Variants in STK24 observed in about 807,000 individuals in gnomAD.
The protein encoded by STK24 is serine/threonine-protein kinase 24.
STK24 carries 21 observed loss-of-function variants against 55.6 expected under a neutral mutation model. That is an observed-to-expected ratio of 0.38 (90% CI 0.27 to 0.54). The LOEUF is 0.54. Among genes scored for constraint, STK24 ranks in the 20% least tolerant of loss-of-function variants. The pLI, the probability that STK24 is intolerant of heterozygous loss-of-function variation, is 0.79. For synonymous variants in STK24, 200 were observed against 215.2 expected, an observed-to-expected ratio of 0.93 and a Z score of 0.62; for missense variants, 383 against 538.4, an observed-to-expected ratio of 0.71 and a Z score of 2.86.
chr13:98,519,442 G>A lies in STK24; in HGVS notation c.74C>T (p.Thr25Ile), dbSNP rs749765531. Residue 25 changes from threonine (T) to isoleucine (I), a missense_variant, in exon 2 of 11, where the codon ACA becomes ATA. Thr to Ile is a moderately conservative substitution (Grantham distance 89). Coordinates refer to ENST00000539966, the MANE Select transcript of STK24 (RefSeq NM_001032296.4). The stretch of plus-strand genomic sequence containing the variant: ...GCCCTTCCCAATTTTCTCTAGTTTT[G>A]TAAAAAGCTCTTCTGGGTCTGCCTT... ...NLKADPEELFTKLEKIGKGSF... is the reference protein window; with the variant it reads ...NLKADPEELFIKLEKIGKGSF... The A allele has an allele frequency of 3.1e-6, 5 of 1,614,028 alleles. No individual in the cohort carries two copies. The Middle Eastern group carries it at 4.9e-4, about 159-fold the overall frequency.
intron 2 of STK24, among the ~76,000 whole-genome samples, chr13:98,488,794 C>T (rs1045594997): frequency 1.3e-5 from 2 of 152,118 alleles, no homozygotes; most frequent in African/African-American, 2.4e-5. Context: ...GTCACACGAA[C>T]CCACCAAGGT....
chr13:98,465,837 C>G (rs1893907765), intron 6 of STK24, among the ~76,000 whole-genome samples: 1 of 152,172 alleles, frequency 6.6e-6, no homozygotes, highest in African/African-American at 2.4e-5. Flanking sequence ...GAAAATGAGG[C>G]AAAGCCACAC....
intron 1 of STK24, among the ~76,000 whole-genome samples, chr13:98,568,760 C>T (rs1050231679): frequency 3.9e-5 from 6 of 151,962 alleles, no homozygotes; most frequent in Non-Finnish European, 7.4e-5. Flanking sequence ...CCCAGCTACT[C>T]GGGAGGCTGA....
At chr13:98,459,949 A>G (rs530857080) in intron 9 of STK24, among the ~76,000 whole-genome samples, 1 of 152,230 alleles carries the variant, frequency 6.6e-6, no homozygotes, top group Non-Finnish European at 1.5e-5. Flanking sequence ...ACTGCTGAGC[A>G]GAGGAGGGAC....
At chr13:98,456,428 G>T (rs1011411352) in intron 10 of STK24, 3 of 478,124 alleles carry the variant, frequency 6.3e-6, no homozygotes, top group South Asian at 3.1e-5. Context: ...CCTCCTGGGG[G>T]TGTGGAGGAC....
chr13:98,564,230 G>C (rs2390104), intron 1 of STK24, among the ~76,000 whole-genome samples: 25,502 of 152,206 alleles, frequency 0.17, 2,195 homozygotes, highest in African/African-American at 0.18. Flanking sequence ...ACCGAGAAAA[G>C]AAAATCAATT....
chr13:98,484,042 C>G (rs943317423), intron 2 of STK24, among the ~76,000 whole-genome samples: 3 of 152,230 alleles, frequency 2.0e-5, no homozygotes, highest in African/African-American at 7.2e-5. Flanking sequence ...TGACACCCAA[C>G]TCAGAGGGAC....
At chr13:98,535,893 C>A (rs569103099) in intron 1 of STK24, among the ~76,000 whole-genome samples, 11 of 152,314 alleles carry the variant, frequency 7.2e-5, no homozygotes, top group African/African-American at 2.6e-4. Context: ...ACTTCCCATT[C>A]CCTACAGGTG....
At chr13:98,537,186 G>A (rs1035310469) in intron 1 of STK24, among the ~76,000 whole-genome samples, 1 of 152,238 alleles carries the variant, frequency 6.6e-6, no homozygotes, top group African/African-American at 2.4e-5. Context: ...TACCTGTGCA[G>A]TGCCACCTCT....
intron 6 of STK24, among the ~76,000 whole-genome samples, chr13:98,464,296 G>A (rs1468868733): frequency 1.3e-5 from 2 of 151,580 alleles, no homozygotes; most frequent in Non-Finnish European, 2.9e-5. Flanking sequence ...GTGGGCGCCT[G>A]TAGTCCCAGC....
chr13:98,515,807 CTTCT>C (rs1348743525), intron 2 of STK24, among the ~76,000 whole-genome samples: 7 of 152,208 alleles, frequency 4.6e-5, no homozygotes, highest in African/African-American at 1.7e-4. Flanking sequence ...CTGGTAATCT[CTTCT>C]TTGTCCTGGC....
In STK24 at chr13:98,448,089, C is replaced by T; in HGVS notation, c.*5084G>A. On this transcript the variant is annotated 3_prime_UTR_variant, in exon 11 of 11. Coordinates refer to ENST00000539966, the MANE Select transcript of STK24 (RefSeq NM_001032296.4). The stretch of plus-strand genomic sequence containing the variant: ...ACTGTACCTCAGGAACGCCTGGGTG[C>T]TGGCTGTTCCCTTGCTCTTCTGCTG... 1.2e-5 allele frequency: 8 copies of T among 684,298 alleles called. No homozygotes were observed. In the South Asian group the frequency reaches 1.4e-4, roughly 12 times the overall value. 42.4% of individuals were successfully genotyped at this position (684,298 alleles called of 1,614,324 possible). A position where few individuals can be genotyped will look rare whatever the true frequency, so the allele number is the denominator to read the frequency against.
At chr13:98,548,861 C>CAAAAAAAAAAAA (rs55793722) in intron 1 of STK24, among the ~76,000 whole-genome samples, 2 of 37,798 alleles carry the variant, frequency 5.3e-5, no homozygotes, top group African/African-American at 1.8e-4. Context: ...GACTCTGTCT[C>CAAAAAAAAAAAA]AAAAAAAAAA....
intron 2 of STK24, among the ~76,000 whole-genome samples, chr13:98,504,466 G>A (rs1012301372): frequency 6.6e-6 from 1 of 152,216 alleles, no homozygotes; most frequent in Non-Finnish European, 1.5e-5. Context: ...ACACTAGCAC[G>A]AGACTCAGGT....
At chr13:98,549,257 A>G (rs1452179311) in intron 1 of STK24, among the ~76,000 whole-genome samples, 2 of 152,214 alleles carry the variant, frequency 1.3e-5, no homozygotes, top group South Asian at 2.1e-4. Flanking sequence ...CATTGCTTAC[A>G]GTTCTGGAGG....
At position 98,449,886 on chromosome 13, in the gene STK24, ACT is replaced by A. The variant is rs1217070113; in HGVS notation, c.*3285_*3286del. The A allele has an allele frequency of 6.6e-6, 1 of 152,258 alleles. No individual in the cohort carries two copies. Among genetic ancestry groups the A allele is most frequent in the Admixed American group, 6.6e-5 (1 of 15,258 alleles). 9.4% of individuals were successfully genotyped at this position (152,258 alleles called of 1,614,324 possible). On this transcript the variant is annotated 3_prime_UTR_variant, in exon 11 of 11. Coordinates refer to ENST00000539966, the MANE Select transcript of STK24 (RefSeq NM_001032296.4). ...GTGACACAGGGAGGGCCTGCCCCCC[ACT>A]GTTCCCTATGCTCCCCCCACCTCCA...
chr13:98,538,531 T>C (rs888787182), intron 1 of STK24, among the ~76,000 whole-genome samples: 2 of 151,292 alleles, frequency 1.3e-5, no homozygotes, highest in Non-Finnish European at 2.9e-5. Flanking sequence ...TGGTGCCTAT[T>C]TTTAATCCCT....
In STK24 at chr13:98,575,353, ATATT is replaced by A. The variant is rs544586386; in HGVS notation, c.42+1388_42+1391del. On this transcript the variant is annotated intron_variant, in intron 1 of 10. Transcript: ENST00000539966. Reference sequence around the variant, plus strand: ...AACTTAACTGTTGCTGCTTAAATGTATATTTATTTACTGCTTAAACATATATACA... The same window carrying A: ...AACTTAACTGTTGCTGCTTAAATGTATATTTACTGCTTAAACATATATACA... Among the ~76,000 whole-genome samples the A allele has an allele frequency of 2.8e-3, 424 of 152,190 alleles. 2 individuals carry two copies. The highest frequency in any genetic ancestry group is 3.9e-3 in the Non-Finnish European group (265 of 68,018).
intron 1 of STK24, among the ~76,000 whole-genome samples, chr13:98,565,325 T>A (rs1381150042): frequency 6.6e-6 from 1 of 151,534 alleles, no homozygotes; most frequent in Non-Finnish European, 1.5e-5. Context: ...TGACACTGAG[T>A]GGCCTTATAT....
Sources: gnomAD v4.1 joint callset for allele counts (sites outside exome capture counted in the v4.1 genomes callset) on GRCh38, gnomAD v4.1.1 for gene constraint, MANE v1.5 for transcripts, NCBI Gene and HGNC (gene_info 2026-07-23, HGNC 2026-07-21) for gene names.